SNURF: variants seen among roughly 807,000 people sequenced by gnomAD.
The protein encoded by SNURF is SNRPN upstream open reading frame.
A neutral mutation model predicts 11.6 loss-of-function variants in SNURF; 6 were observed. The ratio of observed to expected loss-of-function variants is 0.52; its 90% CI spans 0.28 to 1.02. The LOEUF (loss-of-function observed/expected upper bound fraction) is 1.02. Ranked by LOEUF, SNURF falls within the 50% of genes least tolerant of loss-of-function variation. SNURF has a pLI of 0.09. For missense variants in SNURF, 84 were observed against 88.4 expected, an observed-to-expected ratio of 0.95 and a Z score of 0.20; for synonymous variants, 29 against 31.6, an observed-to-expected ratio of 0.92 and a Z score of 0.27.
chr15:24,972,700 C>T (rs2076577794), downstream of SNURF, among the ~76,000 whole-genome samples: 1 of 152,000 alleles, frequency 6.6e-6, no homozygotes, highest in African/African-American at 2.4e-5. Context: ...AGACCCTTTA[C>T]AATTCTGGCT....
chr15:24,955,663 T>G (rs2062722744), intron 1 of SNURF, among the ~76,000 whole-genome samples: 1 of 75,502 alleles, frequency 1.3e-5, no homozygotes, highest in Non-Finnish European at 2.6e-5. Flanking sequence ...ACCAGGGGGA[T>G]GAGTCGGTGT....
At chr15:24,957,085 C>CT (rs535210778) in intron 1 of SNURF, among the ~76,000 whole-genome samples, 233 of 152,118 alleles carry the variant, frequency 1.5e-3, no homozygotes, top group African/African-American at 2.4e-3. Flanking sequence ...TTGTTAACCC[C>CT]TTTTTTTTAA....
At chr15:24,961,574 A>G (rs528222500) in intron 1 of SNURF, among the ~76,000 whole-genome samples, 24 of 152,192 alleles carry the variant, frequency 1.6e-4, no homozygotes, top group Admixed American at 3.3e-4. Context: ...TGTTTTTGCT[A>G]TGTGGATAGT....
intron 3 of SNURF, among the ~76,000 whole-genome samples, chr15:24,974,051 A>G (rs1041238896): frequency 2.0e-5 from 3 of 152,318 alleles, no homozygotes; most frequent in African/African-American, 4.8e-5. Flanking sequence ...TAAATTTGGG[A>G]AAATGACGCT....
chr15:24,962,046 C>T, intron 1 of SNURF, 68 bp from the exon 2 acceptor site: 1 of 1,273,504 alleles, frequency 7.9e-7, no homozygotes, highest in South Asian at 1.2e-5. Context: ...CTAAATATAA[C>T]CTTGACAAAT....
chr15:24,965,962 C>T (rs1223778746), intron 2 of SNURF, among the ~76,000 whole-genome samples: 1 of 151,882 alleles, frequency 6.6e-6, no homozygotes, highest in Non-Finnish European at 1.5e-5. Context: ...GTGGAGAATG[C>T]CCAAATTAAG....
At chr15:24,975,197 A>G (rs2076930110) in intron 3 of SNURF, among the ~76,000 whole-genome samples, 1 of 152,208 alleles carries the variant, frequency 6.6e-6, no homozygotes, top group Non-Finnish European at 1.5e-5. Flanking sequence ...TCCTCCAAAG[A>G]GCCATACTAA....
At chr15:24,972,991 G>A (rs924758544), downstream of SNURF, among the ~76,000 whole-genome samples, 6 of 152,244 alleles carry the variant, frequency 3.9e-5, no homozygotes, top group South Asian at 2.1e-4. Flanking sequence ...GGTTTCAAGC[G>A]ATTCTCCTGC....
intron 3 of SNURF, chr15:24,975,295 G>A: frequency 7.5e-7 from 1 of 1,334,916 alleles, no homozygotes; most frequent in Non-Finnish European, 1.1e-6. Context: ...AGAAGAAACA[G>A]GAGAAGATTA....
chr15:24,969,551 C>T (rs529701172), downstream of SNURF, among the ~76,000 whole-genome samples: 69 of 152,194 alleles, frequency 4.5e-4, no homozygotes, highest in Non-Finnish European at 7.2e-4. Flanking sequence ...TTGTCCAAAG[C>T]TTTTCCCTTG....
intron 1 of SNURF, among the ~76,000 whole-genome samples, chr15:24,955,631 G>A (rs1157913589): frequency 6.7e-6 from 1 of 148,824 alleles, no homozygotes; most frequent in African/African-American, 2.5e-5. Flanking sequence ...CAGTGACCGA[G>A]GCGAGGAGGC....
chr15:24,955,202 G>C (rs1398848167), intron 1 of SNURF, 140 bp downstream of exon 1: 15 of 1,175,528 alleles, frequency 1.3e-5, no homozygotes, highest in Non-Finnish European at 1.9e-5. Flanking sequence ...TGGAGAACCA[G>C]ATCCGGAATG....
At chr15:24,972,344 T>C (rs2076521587), downstream of SNURF, among the ~76,000 whole-genome samples, 1 of 151,842 alleles carries the variant, frequency 6.6e-6, no homozygotes, top group South Asian at 2.1e-4. Context: ...CATAAGATAA[T>C]ATTCAAAACT....
At chr15:24,962,025 T>A in intron 1 of SNURF, 89 bp from the exon 2 acceptor site, 1 of 1,073,712 alleles carries the variant, frequency 9.3e-7, no homozygotes, top group South Asian at 1.3e-5. Flanking sequence ...TCCATTATAT[T>A]AAATGTAGTT....
At chr15:24,975,611 G>A in intron 4 of SNURF, 1 of 939,796 alleles carries the variant, frequency 1.1e-6, no homozygotes, top group South Asian at 1.5e-5. Flanking sequence ...AGTAGTTAGG[G>A]AAACTATGGT....
downstream of SNURF, among the ~76,000 whole-genome samples, chr15:24,973,398 T>C (rs894876755): frequency 6.6e-6 from 1 of 152,052 alleles, no homozygotes; most frequent in African/African-American, 2.4e-5. Flanking sequence ...ACTTATTTAT[T>C]TATTTTGAGA....
intron 1 of SNURF, among the ~76,000 whole-genome samples, chr15:24,955,529 AT>A (rs2062696962): frequency 6.9e-6 from 1 of 144,652 alleles, no homozygotes; most frequent in South Asian, 2.3e-4. Flanking sequence ...AGTGATCGGT[AT>A]TTAGGGGGTG....
At chr15:24,960,639 T>C (rs576235666) in intron 1 of SNURF, among the ~76,000 whole-genome samples, 2 of 152,352 alleles carry the variant, frequency 1.3e-5, no homozygotes, top group South Asian at 4.1e-4. Context: ...GTGACTAATG[T>C]TCAGCATCAT....
downstream of SNURF, among the ~76,000 whole-genome samples, chr15:24,969,982 G>T (rs2076194698): frequency 6.6e-6 from 1 of 152,152 alleles, no homozygotes; most frequent in Admixed American, 6.5e-5. Flanking sequence ...CTATTTAAAA[G>T]AAAATAATTG....
Sources: allele counts gnomAD v4.1 joint callset (sites outside exome capture counted in the v4.1 genomes callset), GRCh38; gene constraint gnomAD v4.1.1; transcripts MANE v1.5; gene names NCBI Gene and HGNC (gene_info 2026-07-23, HGNC 2026-07-21).